TENM2: variants seen among roughly 807,000 people sequenced by gnomAD.
TENM2 encodes teneurin transmembrane protein 2.
A neutral mutation model predicts 245.2 loss-of-function variants in TENM2; 52 were observed. The ratio of observed to expected loss-of-function variants is 0.21; its 90% CI spans 0.17 to 0.27. TENM2 has a LOEUF of 0.27. Ranked by LOEUF, TENM2 falls within the 10% of genes least tolerant of loss-of-function variation. The pLI is 1.00. For synonymous variants in TENM2, 1,363 were observed against 1,438.9 expected (o/e 0.95, Z 1.19); for missense variants, 3,046 against 3,666.8 (o/e 0.83, Z 4.37).
rs567380680 is a variant in TENM2, at chr5:167,843,250, G to A, written c.503-32736G>A. ...GTTTAAGCCCAATAAAATTACATTTGGCATAAGAAGATAGGGATCATGCTT... is the reference window on the plus strand; with the variant it reads ...GTTTAAGCCCAATAAAATTACATTTAGCATAAGAAGATAGGGATCATGCTT... On this transcript the variant is annotated intron_variant, in intron 2 of 28. Coordinates refer to ENST00000518659, the Ensembl canonical transcript of TENM2. 2.6e-4 allele frequency among the ~76,000 whole-genome samples: 40 copies of A among 152,266 alleles called. 1 individual carries two copies. Among genetic ancestry groups the A allele is most frequent in the African/African-American group, 8.7e-4 (36 of 41,548 alleles).
intron 2 of TENM2, among the ~76,000 whole-genome samples, chr5:167,389,321 C>T (rs1761626343): frequency 6.6e-6 from 1 of 150,390 alleles, no homozygotes; most frequent in Non-Finnish European, 1.5e-5. Context: ...AATTTGACAC[C>T]AACAATAACT....
the TENM2 span, among the ~76,000 whole-genome samples, chr5:167,132,675 T>C: frequency 6.6e-6 from 1 of 152,180 alleles, no homozygotes; most frequent in Middle Eastern, 3.2e-3. Flanking sequence ...CAAAATATCA[T>C]AGTGTTAACA....
chr5:167,037,399 G>A, the TENM2 span, among the ~76,000 whole-genome samples: 1 of 152,076 alleles, frequency 6.6e-6, no homozygotes, highest in Non-Finnish European at 1.5e-5. Context: ...AATCACTTCT[G>A]TTTATTGCTG....
At chr5:168,206,833 T>A (rs998417670) in intron 19 of TENM2, among the ~76,000 whole-genome samples, 1 of 152,040 alleles carries the variant, frequency 6.6e-6, no homozygotes, top group Admixed American at 6.5e-5. Context: ...GGTGGAAATA[T>A]TTCATCTGGC....
chr5:167,613,734 T>G (rs1777614440), intron 2 of TENM2, among the ~76,000 whole-genome samples: 1 of 152,086 alleles, frequency 6.6e-6, no homozygotes, highest in Non-Finnish European at 1.5e-5. Flanking sequence ...TGCTCCCTTT[T>G]CAAGAAAATA....
At chr5:167,672,819 A>T (rs1361583960) in intron 2 of TENM2, among the ~76,000 whole-genome samples, 2 of 152,104 alleles carry the variant, frequency 1.3e-5, no homozygotes, top group East Asian at 3.9e-4. Flanking sequence ...GTGGTGTGAC[A>T]AATCATTCCA....
At chr5:167,055,620 T>C in the TENM2 span, among the ~76,000 whole-genome samples, 1 of 152,112 alleles carries the variant, frequency 6.6e-6, no homozygotes, top group African/African-American at 2.4e-5. Context: ...ATAGATCTTG[T>C]GCATATTTTG....
chr5:167,092,866 T>C, the TENM2 span, among the ~76,000 whole-genome samples: 2 of 152,174 alleles, frequency 1.3e-5, no homozygotes, highest in Non-Finnish European at 2.9e-5. Flanking sequence ...GATACAAATA[T>C]CTTCTTTCCC....
chr5:167,547,640 A>G (rs985054344), intron 2 of TENM2, among the ~76,000 whole-genome samples: 2 of 152,314 alleles, frequency 1.3e-5, no homozygotes, highest in South Asian at 2.1e-4. Flanking sequence ...GCACAGTTTA[A>G]CTTTCTCTTT....
At chr5:167,415,421 A>G (rs957494593) in intron 2 of TENM2, among the ~76,000 whole-genome samples, 22 of 152,288 alleles carry the variant, frequency 1.4e-4, no homozygotes, top group Non-Finnish European at 1.0e-4. Context: ...ACTCTTCATG[A>G]CATGCAAGAT....
the TENM2 span, among the ~76,000 whole-genome samples, chr5:167,243,033 T>A: frequency 6.6e-6 from 1 of 152,020 alleles, no homozygotes; most frequent in Admixed American, 6.5e-5. Flanking sequence ...TGAGGTTTTT[T>A]TTTTTCCCAT....
chr5:167,460,804 C>T (rs1766249570), intron 2 of TENM2, among the ~76,000 whole-genome samples: 1 of 152,068 alleles, frequency 6.6e-6, no homozygotes, highest in Non-Finnish European at 1.5e-5. Flanking sequence ...CCATTTGCCT[C>T]CGGGCTGGGC....
At chr5:167,103,773 C>T in the TENM2 span, among the ~76,000 whole-genome samples, 7 of 152,030 alleles carry the variant, frequency 4.6e-5, no homozygotes, top group Non-Finnish European at 1.0e-4. Flanking sequence ...TACAAGTCCC[C>T]TGAGGGCCCT....
chr5:166,984,381 C>T, the TENM2 span, among the ~76,000 whole-genome samples: 1 of 152,046 alleles, frequency 6.6e-6, no homozygotes. Flanking sequence ...CTTGGAAAAA[C>T]TTTACATTTA....
intron 2 of TENM2, among the ~76,000 whole-genome samples, chr5:167,824,406 G>C (rs1323477665): frequency 6.6e-6 from 1 of 152,114 alleles, no homozygotes; most frequent in Non-Finnish European, 1.5e-5. Context: ...GTATTATGTG[G>C]GTGCAGGGGA....
At chr5:167,679,283 G>T (rs1365409888) in intron 2 of TENM2, among the ~76,000 whole-genome samples, 2 of 152,090 alleles carry the variant, frequency 1.3e-5, no homozygotes, top group Non-Finnish European at 2.9e-5. Context: ...ATTGCTGTAA[G>T]ATTCTTATTT....
chr5:166,983,888 G>C, the TENM2 span, among the ~76,000 whole-genome samples: 54 of 152,090 alleles, frequency 3.6e-4, no homozygotes, highest in Middle Eastern at 3.4e-3. Flanking sequence ...ATTTAGTTCT[G>C]CTACAGGTTT....
rs868657620 is a variant in TENM2 at position 167,825,881 on chromosome 5, C to A, written c.503-50105C>A. On this transcript the variant is annotated intron_variant, in intron 2 of 28. Coordinates refer to ENST00000518659, the Ensembl canonical transcript of TENM2. ...AATGATAATTAAAAAAAAAAAAAAA[C>A]AACTGTGACCCAGGTATCAGCTCAA... Among the ~76,000 whole-genome samples the A allele has an allele frequency of 6.3e-3, 928 of 147,568 alleles. 8 individuals carry two copies. Among genetic ancestry groups the A allele is most frequent in the African/African-American group, 0.016 (640 of 40,062 alleles).
At chr5:167,785,286 G>A (rs1418322244) in intron 2 of TENM2, among the ~76,000 whole-genome samples, 5 of 152,142 alleles carry the variant, frequency 3.3e-5, no homozygotes, top group Admixed American at 2.0e-4. Flanking sequence ...TTTCCTCAGT[G>A]CCACAGGAAG....
Sources: gnomAD v4.1 joint callset for allele counts (sites outside exome capture counted in the v4.1 genomes callset) on GRCh38, gnomAD v4.1.1 for gene constraint, MANE v1.5 for transcripts, NCBI Gene and HGNC (gene_info 2026-07-23, HGNC 2026-07-21) for gene names.